MDGA2: variants seen among roughly 807,000 people sequenced by gnomAD.
MDGA2 encodes MAM domain-containing glycosylphosphatidylinositol anchor protein 2.
Under a neutral mutation model 117.8 loss-of-function variants are expected in MDGA2, and 40 were observed. The ratio of observed to expected loss-of-function variants is 0.34; its 90% CI spans 0.26 to 0.44. The LOEUF (loss-of-function observed/expected upper bound fraction) is 0.44. Ranked by LOEUF, MDGA2 falls within the 20% of genes least tolerant of loss-of-function variation. The pLI, the probability that MDGA2 is intolerant of heterozygous loss-of-function variation, is 1.00. For synonymous variants in MDGA2, 452 were observed against 439.0 expected (o/e 1.03, Z -0.37); for missense variants, 1,123 against 1,250.6 (o/e 0.90, Z 1.54).
At chr14:47,280,608 C>A (rs1244601318) in intron 2 of MDGA2, among the ~76,000 whole-genome samples, 1 of 152,000 alleles carries the variant, frequency 6.6e-6, no homozygotes, top group Non-Finnish European at 1.5e-5. Flanking sequence ...GGACAGGATT[C>A]TGGATGCTCT....
chr14:47,160,547 C>T (rs1883592029), intron 3 of MDGA2, among the ~76,000 whole-genome samples: 1 of 152,122 alleles, frequency 6.6e-6, no homozygotes, highest in Admixed American at 6.6e-5. Flanking sequence ...GTAATCCTTG[C>T]TACTCAGGAG....
intron 1 of MDGA2, among the ~76,000 whole-genome samples, chr14:47,591,171 C>T (rs10138906): frequency 0.74 from 113,035 of 151,910 alleles, 42,507 homozygotes; most frequent in East Asian, 1. Context: ...CTCATCCTTA[C>T]GGCAAAAGAA....
chr14:47,634,827 C>A (rs939568257), intron 1 of MDGA2, among the ~76,000 whole-genome samples: 4 of 152,060 alleles, frequency 2.6e-5, no homozygotes, highest in Non-Finnish European at 5.9e-5. Flanking sequence ...CTCTTAGAGT[C>A]TTCCATCTCA....
rs146464254 is a variant in MDGA2 at position 47,501,165 on chromosome 14, C to G, written c.280+173352G>C. 5.3e-4 allele frequency among the ~76,000 whole-genome samples: 80 copies of G among 152,052 alleles called. 1 individual carries two copies. The highest frequency in any genetic ancestry group is 1.8e-3 in the African/African-American group (75 of 41,490). On this transcript the variant is annotated intron_variant, in intron 1 of 16. Coordinates refer to ENST00000399232, the MANE Select transcript of MDGA2 (RefSeq NM_001113498.3). Reference sequence around the variant, plus strand: ...ACCTCTGAATATTACTACCAGTTTACGGGTAAGAGATGATAGTAGAATGGG... The same window carrying G: ...ACCTCTGAATATTACTACCAGTTTAGGGGTAAGAGATGATAGTAGAATGGG...
chr14:47,296,242 A>G (rs79249829), intron 2 of MDGA2, among the ~76,000 whole-genome samples: 10 of 151,452 alleles, frequency 6.6e-5, no homozygotes, highest in South Asian at 4.2e-4. Flanking sequence ...AAGCTGTTAG[A>G]AAAAAAAATG....
intron 9 of MDGA2, among the ~76,000 whole-genome samples, chr14:46,933,423 A>G (rs1884654550): frequency 6.6e-6 from 1 of 151,982 alleles, no homozygotes; most frequent in African/African-American, 2.4e-5. Flanking sequence ...TGAAGATCCA[A>G]AAGGATCATA....
At chr14:47,271,115 C>T (rs1888129636) in intron 2 of MDGA2, among the ~76,000 whole-genome samples, 1 of 152,152 alleles carries the variant, frequency 6.6e-6, no homozygotes, top group South Asian at 2.1e-4. Context: ...GAGAGAGGAA[C>T]TTAAAAATGG....
intron 14 of MDGA2, among the ~76,000 whole-genome samples, chr14:46,872,273 T>C (rs192801483): frequency 1.3e-5 from 2 of 152,008 alleles, no homozygotes; most frequent in Non-Finnish European, 2.9e-5. Flanking sequence ...CATATATTTA[T>C]ACTATCACTT....
At chr14:47,587,751 T>A (rs2138852758) in intron 1 of MDGA2, among the ~76,000 whole-genome samples, 1 of 152,112 alleles carries the variant, frequency 6.6e-6, no homozygotes, top group South Asian at 2.1e-4. Context: ...TTCACAATTT[T>A]GTGTACAATT....
chr14:46,919,885 T>G lies in MDGA2; in HGVS notation c.2238+127A>C. On this transcript the variant is annotated intron_variant, in intron 10 of 16. Transcript: ENST00000399232. ...GGGTGAAAACATATCTATCTGTCTA[T>G]CTATATACAGAAACACATATACATA... is the stretch of plus-strand genomic sequence containing the variant. 5.3e-6 allele frequency: 4 copies of G among 756,480 alleles called. 1 individual carries two copies. The South Asian group carries it at 1.1e-4, about 20-fold the overall frequency. The allele number at this position is 756,480 out of a possible 1,614,324, so 46.9% of individuals were successfully genotyped here. A position where few individuals can be genotyped will look rare whatever the true frequency, so the allele number is the denominator to read the frequency against.
intron 1 of MDGA2, among the ~76,000 whole-genome samples, chr14:47,451,081 C>T (rs1179866307): frequency 6.6e-6 from 1 of 152,102 alleles, no homozygotes; most frequent in African/African-American, 2.4e-5. Flanking sequence ...TGTCTGTCTC[C>T]ACTACTACAA....
intron 1 of MDGA2, among the ~76,000 whole-genome samples, chr14:47,350,859 A>G (rs934540707): frequency 6.6e-6 from 1 of 152,230 alleles, no homozygotes; most frequent in Non-Finnish European, 1.5e-5. Context: ...AAGGATAGTC[A>G]AAGGAAGAAG....
chr14:47,044,057 T>C (rs1299501509), intron 7 of MDGA2, among the ~76,000 whole-genome samples: 1 of 151,946 alleles, frequency 6.6e-6, no homozygotes, highest in Non-Finnish European at 1.5e-5. Flanking sequence ...TCCCACATCA[T>C]GTAACATTTT....
At chr14:47,177,662 A>C (rs1253443925) in intron 3 of MDGA2, among the ~76,000 whole-genome samples, 1 of 152,152 alleles carries the variant, frequency 6.6e-6, no homozygotes, top group African/African-American at 2.4e-5. Context: ...GCATGAGGGC[A>C]GTGGGGAGGG....
At chr14:46,978,089 C>G (rs1314736620) in intron 8 of MDGA2, among the ~76,000 whole-genome samples, 5 of 151,602 alleles carry the variant, frequency 3.3e-5, no homozygotes, top group African/African-American at 1.2e-4. Flanking sequence ...TCATTATGTT[C>G]TAGGTATAAT....
At chr14:46,854,997 T>G (rs200733407) in intron 15 of MDGA2, 27 bp downstream of exon 15, 1 of 1,564,034 alleles carries the variant, frequency 6.4e-7, no homozygotes, top group African/African-American at 1.4e-5. Context: ...TTTACAGCAA[T>G]TAATTAGCCA....
At chr14:47,448,520 G>A (rs1180606802) in intron 1 of MDGA2, among the ~76,000 whole-genome samples, 2 of 152,090 alleles carry the variant, frequency 1.3e-5, no homozygotes, top group Non-Finnish European at 2.9e-5. Context: ...GAGAAGAGGA[G>A]CTGAGATTTA....
chr14:47,187,059 ATAGT>A (rs1198936970), intron 3 of MDGA2, among the ~76,000 whole-genome samples: 3 of 152,014 alleles, frequency 2.0e-5, no homozygotes, highest in Admixed American at 6.6e-5. Flanking sequence ...TAAAATGTAA[ATAGT>A]TAGCCACAGC....
chr14:46,897,448 A>C (rs1214104713), intron 10 of MDGA2, among the ~76,000 whole-genome samples: 2 of 152,120 alleles, frequency 1.3e-5, no homozygotes, highest in African/African-American at 4.8e-5. Context: ...TAACTACAAC[A>C]TTCTATTTTA....
Sources: gnomAD v4.1 joint callset for allele counts (sites outside exome capture counted in the v4.1 genomes callset) on GRCh38, gnomAD v4.1.1 for gene constraint, MANE v1.5 for transcripts, NCBI Gene and HGNC (gene_info 2026-07-23, HGNC 2026-07-21) for gene names.